C2orf42: variants seen among roughly 807,000 people sequenced by gnomAD.
C2orf42 encodes the protein chromosome 2 open reading frame 42.
In C2orf42, 44 loss-of-function variants were observed where a neutral mutation model predicts 58.9. The ratio of observed to expected loss-of-function variants is 0.75; its 90% CI spans 0.59 to 0.96. C2orf42 has a LOEUF of 0.96. C2orf42 is among the 40% of genes least tolerant of loss of function. The pLI, the probability that C2orf42 is intolerant of heterozygous loss-of-function variation, is 0.00. For synonymous variants in C2orf42, 239 were observed against 265.4 expected (o/e 0.90, Z 0.97); for missense variants, 630 against 699.2 (o/e 0.90, Z 1.12).
intron 8 of C2orf42, among the ~76,000 whole-genome samples, chr2:70,162,961 G>A (rs1461743522): frequency 2.6e-5 from 4 of 151,852 alleles, no homozygotes; most frequent in Admixed American, 6.6e-5. Context: ...TCCGCCTCCC[G>A]GGTTCAAGCG....
intron 5 of C2orf42, among the ~76,000 whole-genome samples, chr2:70,173,830 T>C (rs900970464): frequency 1.3e-5 from 2 of 152,024 alleles, no homozygotes; most frequent in East Asian, 3.9e-4. Flanking sequence ...GGAGTCTCAC[T>C]ACTCCTACCT....
chr2:70,179,107 A>C (rs1674382172), intron 4 of C2orf42, among the ~76,000 whole-genome samples: 1 of 152,154 alleles, frequency 6.6e-6, no homozygotes, highest in Non-Finnish European at 1.5e-5. Context: ...AGGCAGATTA[A>C]GGTATAAAAT....
chr2:70,168,751 T>C (rs1358760508), intron 6 of C2orf42, among the ~76,000 whole-genome samples: 1 of 150,312 alleles, frequency 6.7e-6, no homozygotes, highest in Non-Finnish European at 1.5e-5. Context: ...GTCTCACTGT[T>C]GCCCAGGCTG....
Position 70,182,819 on chromosome 2 carries a change from G to C in C2orf42, c.-165C>G, listed in dbSNP as rs1466184254. 6.6e-6 allele frequency: 1 copy of C among 152,228 alleles called. No homozygotes were observed. Among genetic ancestry groups the C allele is most frequent in the Non-Finnish European group, 1.5e-5 (1 of 68,042 alleles). The allele number at this position is 152,228 out of a possible 1,614,324, so 9.4% of individuals were successfully genotyped here. A position where few individuals can be genotyped will look rare whatever the true frequency, so the allele number is the denominator to read the frequency against. Reference sequence around the variant, plus strand: ...CCCAAAATCTTCTGAAGTTTGAGCTGTATGGTGTAACAATGCAGACATTCT... The same window carrying C: ...CCCAAAATCTTCTGAAGTTTGAGCTCTATGGTGTAACAATGCAGACATTCT... On this transcript the variant is annotated 5_prime_UTR_variant, in exon 2 of 10. Coordinates refer to ENST00000264434, the MANE Select transcript of C2orf42 (RefSeq NM_017880.3).
chr2:70,152,896 G>A (rs1672395049), intron 9 of C2orf42, among the ~76,000 whole-genome samples: 1 of 152,130 alleles, frequency 6.6e-6, no homozygotes, highest in Non-Finnish European at 1.5e-5. Flanking sequence ...AGCCAGGCGT[G>A]GTGGCACGCC....
intron 5 of C2orf42, among the ~76,000 whole-genome samples, chr2:70,175,401 T>C (rs901586805): frequency 5.3e-5 from 8 of 152,246 alleles, no homozygotes; most frequent in African/African-American, 1.9e-4. Context: ...TGTGTCCATG[T>C]GTTCTCATCA....
chr2:70,158,070 G>A (rs577029618), intron 9 of C2orf42, among the ~76,000 whole-genome samples: 1 of 150,208 alleles, frequency 6.7e-6, no homozygotes, highest in African/African-American at 2.4e-5. Flanking sequence ...ATGCTGGCAT[G>A]CGCCTGTAAT....
chr2:70,171,327 A>G (rs1673807125), intron 5 of C2orf42, among the ~76,000 whole-genome samples: 2 of 152,174 alleles, frequency 1.3e-5, no homozygotes, highest in Non-Finnish European at 2.9e-5. Flanking sequence ...TTAGAGGTTT[A>G]TAAATTAGTT....
In C2orf42 at chr2:70,165,547, C is replaced by A. The variant is rs775913675; in HGVS notation, c.1233G>T (p.Arg411=). ...QRISIGSAKK[R]LPNSTTAFVR... ...CTGTACCTGTGGTGGAGTTGGGGAGCCGTTTTTTTGCACTTCCTATAGATA... is the reference window on the plus strand; with the variant it reads ...CTGTACCTGTGGTGGAGTTGGGGAGACGTTTTTTTGCACTTCCTATAGATA... Residue 411 remains arginine (R), a synonymous_variant, in exon 7 of 10, where the codon CGG becomes CGT. Coordinates refer to ENST00000264434, the MANE Select transcript of C2orf42 (RefSeq NM_017880.3). 11 of 1,600,022 alleles carry A rather than the reference C, an allele frequency of 6.9e-6. No individual in the cohort carries two copies. Among genetic ancestry groups the A allele is most frequent in the Non-Finnish European group, 9.4e-6 (11 of 1,167,398 alleles).
rs1341550442 is a variant in C2orf42, at chr2:70,165,587, G to A, written c.1193C>T (p.Ala398Val). 2 of 1,612,854 alleles carry A rather than the reference G, an allele frequency of 1.2e-6. No homozygotes were observed. Among genetic ancestry groups the A allele is most frequent in the African/African-American group, 2.7e-5 (2 of 74,874 alleles). ...VFHIPQSFFDALQQRISIGSA... is the reference protein window; with the variant it reads ...VFHIPQSFFDVLQQRISIGSA... ...TCCTATAGATATTCTTTGTTGCAGG[G>A]CATCAAAAAATGACTGAGGAATGTG... Residue 398 changes from alanine (A) to valine (V), a missense_variant, in exon 7 of 10, where the codon GCC (alanine) becomes GTC (valine). Physicochemically the swap from Ala to Val is moderately conservative, Grantham distance 64 (BLOSUM62 0). Coordinates refer to ENST00000264434, the MANE Select transcript of C2orf42 (RefSeq NM_017880.3).
intron 1 of C2orf42, among the ~76,000 whole-genome samples, chr2:70,186,339 A>C (rs1204466921): frequency 1.3e-5 from 2 of 152,104 alleles, no homozygotes; most frequent in Non-Finnish European, 2.9e-5. Flanking sequence ...CATATATACA[A>C]TTTGTATATA....
rs758064966 is a variant in C2orf42, at chr2:70,150,436, C to T, written c.1645G>A (p.Val549Met). The T allele has an allele frequency of 5.0e-6, 8 of 1,614,070 alleles. No homozygotes were observed. The African/African-American group carries it at 5.3e-5, about 11-fold the overall frequency. Residue 549 changes from valine (V) to methionine (M), a missense_variant, in exon 10 of 10, where the codon GTG becomes ATG. Transcript: ENST00000264434. ...GGCCGCTGGTCTTGGTACTCCGCCA[C>T]ATGCCCATTCCGGTGGTGGCCATAC... ...FEYGHHRNGH[V>M]AEYQDQRPPL... is the part of the protein sequence containing the mutation.
At chr2:70,185,770 C>T (rs1261152992) in intron 1 of C2orf42, among the ~76,000 whole-genome samples, 3 of 149,708 alleles carry the variant, frequency 2.0e-5, no homozygotes, top group Non-Finnish European at 4.4e-5. Flanking sequence ...TACATATATA[C>T]ACACATATAT....
At chr2:70,161,264 T>G (rs1463330441) in intron 8 of C2orf42, among the ~76,000 whole-genome samples, 1 of 152,182 alleles carries the variant, frequency 6.6e-6, no homozygotes, top group African/African-American at 2.4e-5. Context: ...TACAAACTTC[T>G]CAGAGCCTGT....
At chr2:70,158,317 T>C (rs72900675) in intron 9 of C2orf42, among the ~76,000 whole-genome samples, 22,640 of 152,006 alleles carry the variant, frequency 0.15, 2,699 homozygotes, top group African/African-American at 0.32. Flanking sequence ...AAATTTTAAA[T>C]ACAAGGTACT....
chr2:70,162,767 C>T (rs1424099759), intron 8 of C2orf42, among the ~76,000 whole-genome samples: 1 of 151,936 alleles, frequency 6.6e-6, no homozygotes, highest in Non-Finnish European at 1.5e-5. Context: ...GCCTGGCTCA[C>T]ATGTAAATTC....
chr2:70,183,424 A>C (rs1157173316), intron 1 of C2orf42, among the ~76,000 whole-genome samples: 1 of 149,706 alleles, frequency 6.7e-6, no homozygotes, highest in African/African-American at 2.4e-5. Context: ...GCAGGACCCC[A>C]TCTCTTTTTT....
chr2:70,154,985 G>A (rs578246340), intron 9 of C2orf42, among the ~76,000 whole-genome samples: 12 of 152,010 alleles, frequency 7.9e-5, no homozygotes, highest in Admixed American at 2.0e-4. Context: ...GGTGGCTCAC[G>A]CCTGTAATCC....
chr2:70,176,501 CA>C (rs59582998), intron 4 of C2orf42, among the ~76,000 whole-genome samples: 4,553 of 123,788 alleles, frequency 0.037, 342 homozygotes, highest in Admixed American at 0.2. Context: ...GAGACTGTCT[CA>C]AAAAAAAAAA....
Sources: allele counts gnomAD v4.1 joint callset (sites outside exome capture counted in the v4.1 genomes callset), GRCh38; gene constraint gnomAD v4.1.1; transcripts MANE v1.5; gene names NCBI Gene and HGNC (gene_info 2026-07-23, HGNC 2026-07-21).